Variants in ABLIM1 observed in about 807,000 individuals in gnomAD.
ABLIM1 encodes the protein actin binding LIM protein 1, also known as actin-binding LIM protein 1.
A neutral mutation model predicts 107.0 loss-of-function variants in ABLIM1; 40 were observed. The observed-to-expected ratio is 0.37, with a 90% CI of 0.29 to 0.49. ABLIM1 has a LOEUF of 0.49. ABLIM1 is among the 20% of genes least tolerant of loss of function. The probability of loss-of-function intolerance (pLI) is 0.97; values close to 1 mark genes in which losing one functional copy is unlikely to be tolerated. For missense variants in ABLIM1, 857 were observed against 1,008.5 expected (o/e 0.85, Z 2.04); for synonymous variants, 357 against 357.3 (o/e 1.00, Z 0.01).
intron 4 of ABLIM1, among the ~76,000 whole-genome samples, chr10:114,553,559 T>C (rs909968539): frequency 6.6e-6 from 1 of 152,218 alleles, no homozygotes; most frequent in African/African-American, 2.4e-5. Flanking sequence ...CAGCGAGCTC[T>C]TCACACAGCA....
intron 10 of ABLIM1, among the ~76,000 whole-genome samples, chr10:114,472,075 C>A (rs1428421788): frequency 6.6e-6 from 1 of 151,896 alleles, no homozygotes; most frequent in African/African-American, 2.4e-5. Context: ...TATTAACGAG[C>A]CCCAAGAGGA....
chr10:114,475,379 A>G (rs963585369), intron 8 of ABLIM1, among the ~76,000 whole-genome samples: 1 of 152,152 alleles, frequency 6.6e-6, no homozygotes, highest in Non-Finnish European at 1.5e-5. Flanking sequence ...TCATAGTGTC[A>G]TTCTTTTTTC....
At chr10:114,612,203 C>T (rs374091151) in intron 1 of ABLIM1, among the ~76,000 whole-genome samples, 1 of 152,126 alleles carries the variant, frequency 6.6e-6, no homozygotes, top group African/African-American at 2.4e-5. Context: ...AAAGGCTCTG[C>T]CCTCATGAAT....
intron 4 of ABLIM1, among the ~76,000 whole-genome samples, chr10:114,551,223 C>T (rs2137815348): frequency 6.6e-6 from 1 of 152,368 alleles, no homozygotes; most frequent in Admixed American, 6.5e-5. Flanking sequence ...TACATGTGAG[C>T]CACTCAATAG....
intron 4 of ABLIM1, among the ~76,000 whole-genome samples, chr10:114,551,357 G>C (rs1216226093): frequency 6.6e-6 from 1 of 152,238 alleles, no homozygotes; most frequent in Non-Finnish European, 1.5e-5. Context: ...CCACTGTTAG[G>C]GGATAGAAAG....
upstream of ABLIM1, among the ~76,000 whole-genome samples, chr10:114,772,539 T>C (rs1412086238): frequency 1.3e-5 from 2 of 152,108 alleles, no homozygotes; most frequent in African/African-American, 4.8e-5. Flanking sequence ...CCCAGGAGAT[T>C]GAGGCTGCGG....
At chr10:114,679,446 C>T (rs1236965991) in intron 1 of ABLIM1, among the ~76,000 whole-genome samples, 2 of 151,822 alleles carry the variant, frequency 1.3e-5, no homozygotes. Context: ...ACCAGCCTGA[C>T]CAACATGGAG....
At chr10:114,681,913 C>G (rs1010122907) in intron 1 of ABLIM1, among the ~76,000 whole-genome samples, 4 of 152,242 alleles carry the variant, frequency 2.6e-5, no homozygotes, top group African/African-American at 9.6e-5. Flanking sequence ...TGGCAGCGCT[C>G]ATTTGCAGTG....
intron 1 of ABLIM1, among the ~76,000 whole-genome samples, chr10:114,741,028 G>A (rs1167669394): frequency 1.3e-5 from 2 of 149,158 alleles, no homozygotes; most frequent in African/African-American, 2.5e-5. Flanking sequence ...GCGAGATCCT[G>A]TCTCAAAAAA....
chr10:114,649,052 AC>A (rs2079126195), intron 1 of ABLIM1, among the ~76,000 whole-genome samples: 1 of 152,162 alleles, frequency 6.6e-6, no homozygotes, highest in Non-Finnish European at 1.5e-5. Context: ...TATACCATAG[AC>A]CTTAGGAAAG....
At chr10:114,488,148 G>A in intron 7 of ABLIM1, 132 bp from the exon 8 acceptor site, 1 of 957,846 alleles carries the variant, frequency 1.0e-6, no homozygotes, top group South Asian at 1.4e-5. Context: ...TTATGTCCAA[G>A]TGAATCATAA....
rs765719364 is a variant in ABLIM1 at position 114,658,066 on chromosome 10, A to G, written c.135T>C (p.Ser45=). ...KRLIVEDRRV[S]GTSFTAHRRA... is the part of the protein sequence containing the mutation. ...GCCTATGAGCGGTGAAGGAGGTCCC[A>G]GAGACCCTCCGGTCCTCAACAATCA... The change falls in exon 1 of 23, where the codon TCT becomes TCC. Residue 45 remains serine, a synonymous_variant. Coordinates refer to ENST00000533213, the MANE Select transcript of ABLIM1 (RefSeq NM_002313.7). The G allele has an allele frequency of 2.8e-5, 46 of 1,614,114 alleles. No individual in the cohort carries two copies. The highest frequency in any genetic ancestry group is 2.5e-6 in the Non-Finnish European group (3 of 1,180,044).
chr10:114,622,878 C>T lies in ABLIM1; in HGVS notation c.245-20917G>A, dbSNP rs185614921. ...TGGTAGTAAATGAAACACTCCAAGCCTAAACAACATATTTCAATTCCTCAA... is the reference window on the plus strand; with the variant it reads ...TGGTAGTAAATGAAACACTCCAAGCTTAAACAACATATTTCAATTCCTCAA... On this transcript the variant is annotated intron_variant, in intron 1 of 22. Coordinates refer to ENST00000533213, the MANE Select transcript of ABLIM1 (RefSeq NM_002313.7). Among the ~76,000 whole-genome samples the T allele has an allele frequency of 2.6e-3, 403 of 152,310 alleles. 1 individual carries two copies. Among genetic ancestry groups the T allele is most frequent in the African/African-American group, 9.2e-3 (381 of 41,564 alleles).
chr10:114,759,344 AT>A (rs1180075974), intron 1 of ABLIM1, among the ~76,000 whole-genome samples: 6 of 152,184 alleles, frequency 3.9e-5, no homozygotes, highest in Non-Finnish European at 8.8e-5. Flanking sequence ...CAAACTATAC[AT>A]TTTAAAGCTT....
At chr10:114,704,302 CTATA>C (rs369952218) in intron 1 of ABLIM1, among the ~76,000 whole-genome samples, 1,626 of 42,902 alleles carry the variant, frequency 0.038, 27 homozygotes, top group East Asian at 0.062. Context: ...CTCTCTCTCT[CTATA>C]TATATATATA....
intron 1 of ABLIM1, among the ~76,000 whole-genome samples, chr10:114,757,009 G>A (rs187682887): frequency 1.3e-5 from 2 of 152,266 alleles, no homozygotes; most frequent in Admixed American, 6.5e-5. Context: ...CCAAATCATA[G>A]AGCATGCATC....
intron 8 of ABLIM1, among the ~76,000 whole-genome samples, chr10:114,485,963 C>T (rs576000699): frequency 6.6e-5 from 10 of 152,272 alleles, no homozygotes; most frequent in African/African-American, 2.4e-4. Flanking sequence ...GCTCTGGGTA[C>T]GTGGGAGCCT....
intron 1 of ABLIM1, among the ~76,000 whole-genome samples, chr10:114,606,019 C>T (rs1033876342): frequency 2.0e-5 from 3 of 152,022 alleles, no homozygotes; most frequent in Admixed American, 6.5e-5. Context: ...CAAGCAGAGG[C>T]CATGGCAGGT....
intron 1 of ABLIM1, among the ~76,000 whole-genome samples, chr10:114,618,391 C>A (rs2077261728): frequency 1.3e-5 from 2 of 152,174 alleles, no homozygotes; most frequent in South Asian, 4.1e-4. Context: ...TTCCAATGCT[C>A]AAACTCACCA....
Sources: allele counts gnomAD v4.1 joint callset (sites outside exome capture counted in the v4.1 genomes callset), GRCh38; gene constraint gnomAD v4.1.1; transcripts MANE v1.5; gene names NCBI Gene and HGNC (gene_info 2026-07-23, HGNC 2026-07-21).